Variants in NAV2 observed in about 807,000 individuals in gnomAD.
NAV2 encodes the protein neuron navigator 2.
NAV2 carries 54 observed loss-of-function variants against 223.2 expected under a neutral mutation model. The observed-to-expected ratio is 0.24, with a 90% CI of 0.19 to 0.30. The LOEUF (loss-of-function observed/expected upper bound fraction) is 0.30. NAV2 is among the 10% of genes least tolerant of loss of function. The pLI is 1.00. For missense variants in NAV2, 2,806 were observed against 3,147.5 expected, an observed-to-expected ratio of 0.89 and a Z score of 2.60; for synonymous variants, 1,279 against 1,239.3, an observed-to-expected ratio of 1.03 and a Z score of -0.67.
chr11:19,830,311 C>T (rs571941004), intron 1 of NAV2, among the ~76,000 whole-genome samples: 21 of 152,204 alleles, frequency 1.4e-4, no homozygotes, highest in African/African-American at 4.8e-4. Context: ...TAGGAGGATG[C>T]CACGGAAGGG....
rs148447242 is a variant in NAV2, at chr11:19,771,232, T to G, written c.267+57270T>G. Among the ~76,000 whole-genome samples the G allele has an allele frequency of 4.3e-3, 659 of 152,290 alleles. 5 individuals are homozygous for G. Among genetic ancestry groups the G allele is most frequent in the Admixed American group, 0.011 (174 of 15,300 alleles). ...TTGTAATAATATTAATGTCATTGCTTACATCCATAACAACAAATGAAATGC... is the reference window on the plus strand; with the variant it reads ...TTGTAATAATATTAATGTCATTGCTGACATCCATAACAACAAATGAAATGC... On this transcript the variant is annotated intron_variant, in intron 1 of 37. Transcript: ENST00000349880.
At chr11:19,886,541 C>G (rs895745333) in intron 5 of NAV2, among the ~76,000 whole-genome samples, 4 of 152,198 alleles carry the variant, frequency 2.6e-5, no homozygotes, top group Non-Finnish European at 5.9e-5. Flanking sequence ...GGTCCCTTCT[C>G]AGTTAGGTTG....
intron 1 of NAV2, among the ~76,000 whole-genome samples, chr11:19,820,116 C>T (rs1263708346): frequency 2.0e-5 from 3 of 152,258 alleles, no homozygotes; most frequent in Non-Finnish European, 4.4e-5. Context: ...GAGGCTACGA[C>T]TTAAAAGGTC....
chr11:19,602,918 G>A (rs373206922), intron 1 of NAV2, among the ~76,000 whole-genome samples: 26 of 152,236 alleles, frequency 1.7e-4, no homozygotes, highest in Admixed American at 1.2e-3. Flanking sequence ...ATCATTTAGC[G>A]GACCACCATT....
chr11:19,810,902 T>C (rs2058804136), intron 1 of NAV2, among the ~76,000 whole-genome samples: 1 of 152,254 alleles, frequency 6.6e-6, no homozygotes, highest in African/African-American at 2.4e-5. Context: ...TTGGCATCTT[T>C]TTATAATATC....
intron 1 of NAV2, among the ~76,000 whole-genome samples, chr11:19,687,329 C>G (rs1256526918): frequency 2.0e-5 from 3 of 152,220 alleles, no homozygotes; most frequent in African/African-American, 4.8e-5. Context: ...CTCCAGGTTA[C>G]AGCCTTCCCT....
At chr11:19,691,405 C>G (rs943710595) in intron 1 of NAV2, among the ~76,000 whole-genome samples, 6 of 152,160 alleles carry the variant, frequency 3.9e-5, no homozygotes, top group Non-Finnish European at 5.9e-5. Context: ...CTTCTAAATA[C>G]CATGTGCATT....
chr11:20,080,412 C>T (rs541277911), intron 25 of NAV2, among the ~76,000 whole-genome samples: 1 of 152,304 alleles, frequency 6.6e-6, no homozygotes, highest in Admixed American at 6.5e-5. Flanking sequence ...TGTAACATCC[C>T]TACCACTTTG....
At chr11:19,452,390 A>G (rs1033697836) in intron 1 of NAV2, among the ~76,000 whole-genome samples, 1 of 152,166 alleles carries the variant, frequency 6.6e-6, no homozygotes, top group Non-Finnish European at 1.5e-5. Flanking sequence ...ACAAATGACC[A>G]TATTGACCAT....
intron 1 of NAV2, among the ~76,000 whole-genome samples, chr11:19,531,056 C>T (rs774153874): frequency 6.6e-6 from 1 of 152,094 alleles, no homozygotes; most frequent in Non-Finnish European, 1.5e-5. Context: ...TAATATTCAT[C>T]CAACAAAGAT....
chr11:19,498,127 C>G (rs2042856154), intron 1 of NAV2, among the ~76,000 whole-genome samples: 1 of 152,236 alleles, frequency 6.6e-6, no homozygotes. Flanking sequence ...TCTGAGCACT[C>G]TGCGTGCTGC....
At chr11:19,763,066 G>A (rs1206384478) in intron 1 of NAV2, among the ~76,000 whole-genome samples, 1 of 152,148 alleles carries the variant, frequency 6.6e-6, no homozygotes. Flanking sequence ...CAGGAGGGCA[G>A]GAACCTTGTC....
At chr11:19,947,429 C>T (rs1423816451) in intron 9 of NAV2, among the ~76,000 whole-genome samples, 1 of 152,222 alleles carries the variant, frequency 6.6e-6, no homozygotes, top group Non-Finnish European at 1.5e-5. Context: ...CTTTAGGTAT[C>T]TGAATGAAGG....
chr11:19,668,266 G>A (rs2048474165), intron 1 of NAV2, among the ~76,000 whole-genome samples: 1 of 152,308 alleles, frequency 6.6e-6, no homozygotes, highest in Non-Finnish European at 1.5e-5. Context: ...GGCTGGGCAT[G>A]GTGGCTTACG....
At chr11:20,049,718 C>A in intron 15 of NAV2, 118 bp from the exon 16 acceptor site, 1 of 933,856 alleles carries the variant, frequency 1.1e-6, no homozygotes. Context: ...CCAGTTTCTG[C>A]ATATAGGGAA....
intron 1 of NAV2, among the ~76,000 whole-genome samples, chr11:19,522,186 C>T (rs1341954740): frequency 6.6e-6 from 1 of 152,212 alleles, no homozygotes; most frequent in South Asian, 2.1e-4. Context: ...GCTTGGAAGC[C>T]ACCACACAGC....
chr11:19,516,741 G>A (rs915032682), intron 1 of NAV2, among the ~76,000 whole-genome samples: 1 of 152,230 alleles, frequency 6.6e-6, no homozygotes, highest in Non-Finnish European at 1.5e-5. Flanking sequence ...GGGACTTCCT[G>A]CTGGGCTGGT....
intron 1 of NAV2, among the ~76,000 whole-genome samples, chr11:19,379,096 A>AAGG (rs1468277446): frequency 6.6e-6 from 1 of 152,080 alleles, no homozygotes; most frequent in East Asian, 1.9e-4. Context: ...CTGAGTCTTG[A>AAGG]AGGAGGAGGA....
At chr11:19,363,742 T>G (rs80312682) in intron 1 of NAV2, among the ~76,000 whole-genome samples, 1 of 152,218 alleles carries the variant, frequency 6.6e-6, no homozygotes, top group Non-Finnish European at 1.5e-5. Flanking sequence ...CTAGACCACC[T>G]GTACCTCTCA....
Sources: allele counts gnomAD v4.1 joint callset (sites outside exome capture counted in the v4.1 genomes callset), GRCh38; gene constraint gnomAD v4.1.1; transcripts MANE v1.5; gene names NCBI Gene and HGNC (gene_info 2026-07-23, HGNC 2026-07-21).